The following ATXN10 variants were observed in gnomAD, a reference collection of about 807,000 sequenced individuals.
ATXN10 encodes the protein ataxin 10.
ATXN10 carries 28 observed loss-of-function variants against 52.9 expected under a neutral mutation model. The ratio of observed to expected loss-of-function variants is 0.53; its 90% CI spans 0.39 to 0.73. ATXN10 has a LOEUF of 0.73. ATXN10 is among the 30% of genes least tolerant of loss of function. The pLI is 0.00. For missense variants in ATXN10, 565 were observed against 577.0 expected (o/e 0.98, Z 0.21); for synonymous variants, 226 against 221.5 (o/e 1.02, Z -0.18).
At chr22:45,751,792 T>C (rs1213907589) in intron 9 of ATXN10, among the ~76,000 whole-genome samples, 1 of 139,454 alleles carries the variant, frequency 7.2e-6, no homozygotes, top group Non-Finnish European at 1.6e-5. Context: ...AATAATAAGA[T>C]GGGAAATGTC....
intron 10 of ATXN10, among the ~76,000 whole-genome samples, chr22:45,807,842 G>A (rs1211724531): frequency 6.6e-6 from 1 of 152,194 alleles, no homozygotes; most frequent in Non-Finnish European, 1.5e-5. Flanking sequence ...AGGACTGGGA[G>A]CGTAGCCTGC....
At position 45,786,118 on chromosome 22, in the gene ATXN10, G is replaced by C. The variant is rs1233010501; in HGVS notation, c.1174-20841G>C. 6.6e-6 allele frequency among the ~76,000 whole-genome samples: 1 copy of C among 152,158 alleles called. No homozygotes were observed. The highest frequency in any genetic ancestry group is 1.9e-4 in the East Asian group (1 of 5,196). On this transcript the variant is annotated intron_variant, in intron 9 of 11. Transcript: ENST00000252934. The surrounding 1 kb of genome is among the most constrained non-coding windows in gnomAD (Gnocchi z 4.1). ...TGAGAAAATTGCACTAAATTCAGAT[G>C]TGAATGTTTGCTAAAGAAAAGATAG... is the stretch of plus-strand genomic sequence containing the variant.
intron 6 of ATXN10, among the ~76,000 whole-genome samples, chr22:45,726,619 G>C (rs186458043): frequency 6.6e-6 from 1 of 152,068 alleles, no homozygotes; most frequent in East Asian, 1.9e-4. Context: ...TTTATATTTT[G>C]ATCTTTTGTT....
At chr22:45,753,756 T>C (rs1158171317) in intron 9 of ATXN10, among the ~76,000 whole-genome samples, 1 of 152,150 alleles carries the variant, frequency 6.6e-6, no homozygotes, top group Non-Finnish European at 1.5e-5. Context: ...AGTACCACAC[T>C]GACAATGTGA....
intron 10 of ATXN10, among the ~76,000 whole-genome samples, chr22:45,838,982 G>A (rs1255142453): frequency 1.3e-5 from 2 of 152,188 alleles, no homozygotes; most frequent in Non-Finnish European, 2.9e-5. Context: ...ACTTAGAGGG[G>A]GCAGTGGAGC....
Position 45,828,013 on chromosome 22 carries a change from T to C in ATXN10, c.1238-14978T>C, listed in dbSNP as rs1928871818. Among the ~76,000 whole-genome samples the C allele has an allele frequency of 6.6e-6, 1 of 152,250 alleles. No individual in the cohort carries two copies. Among genetic ancestry groups the C allele is most frequent in the East Asian group, 1.9e-4 (1 of 5,186 alleles). The stretch of plus-strand genomic sequence containing the variant: ...TTTATGGAAATTAAAAAACATACTG[T>C]TAACCAGTAGATCAAAGAAGAAATC... On this transcript the variant is annotated intron_variant, in intron 10 of 11. Transcript: ENST00000252934. This position sits in a 1 kb window ranked among gnomAD's most constrained non-coding sequence, Gnocchi z 4.5.
At chr22:45,682,884 G>T (rs568075198) in intron 1 of ATXN10, among the ~76,000 whole-genome samples, 1 of 152,202 alleles carries the variant, frequency 6.6e-6, no homozygotes, top group South Asian at 2.1e-4. Context: ...TACCGTATCT[G>T]CTGCTTTCCC....
At chr22:45,755,160 C>G (rs957155943) in intron 9 of ATXN10, among the ~76,000 whole-genome samples, 1 of 152,190 alleles carries the variant, frequency 6.6e-6, no homozygotes, top group African/African-American at 2.4e-5. Flanking sequence ...TGTGCCTGCA[C>G]AGTGCTTGTA....
Position 45,769,538 on chromosome 22 carries a change from G to A in ATXN10, c.1173+29000G>A, listed in dbSNP as rs1468789878. Among the ~76,000 whole-genome samples, 1 of 152,162 alleles carries A rather than the reference G, an allele frequency of 6.6e-6. No individual in the cohort carries two copies. Among genetic ancestry groups the A allele is most frequent in the Non-Finnish European group, 1.5e-5 (1 of 68,036 alleles). On this transcript the variant is annotated intron_variant, in intron 9 of 11. Transcript: ENST00000252934. The surrounding 1 kb of genome is among the most constrained non-coding windows in gnomAD (Gnocchi z 4.2). ...TGGTGGGTAGCAGTTATGTGGCGAT[G>A]AAGAGACTATTTCAAAGGAATGAAT... is the stretch of plus-strand genomic sequence containing the variant.
Position 45,729,461 on chromosome 22 carries a change from G to A in ATXN10, c.765G>A (p.Thr255=), listed in dbSNP as rs548270176. 10 of 1,614,056 alleles carry A rather than the reference G, an allele frequency of 6.2e-6. No individual in the cohort carries two copies. The highest frequency in any genetic ancestry group is 5.5e-5 in the South Asian group (5 of 91,074). ...TLLDLMIAKI[T]SDEPLTKDDI... is the part of the protein sequence containing the mutation. ...TAGACCTTATGATAGCCAAGATAAC[G>A]AGTGATGAGCCACTCACCAAGGATG... is the stretch of plus-strand genomic sequence containing the variant. The change falls in exon 7 of 12, where the codon ACG becomes ACA. Residue 255 remains threonine (T), a synonymous_variant. Transcript: ENST00000252934.
chr22:45,676,497 T>G (rs2146721774), intron 1 of ATXN10: 1 of 152,110 alleles, frequency 6.6e-6, no homozygotes, highest in African/African-American at 2.4e-5. Context: ...TTTTTTTTTT[T>G]TGAGACAGTT....
intron 9 of ATXN10, among the ~76,000 whole-genome samples, chr22:45,765,514 A>G (rs1344056092): frequency 6.6e-6 from 1 of 152,160 alleles, no homozygotes; most frequent in African/African-American, 2.4e-5. Context: ...GCTGGGACTG[A>G]GGGGTTGATT....
rs545768708 is a variant in ATXN10 at position 45,715,865 on chromosome 22, T to C, written c.648-2548T>C. On this transcript the variant is annotated intron_variant, in intron 5 of 11. Transcript: ENST00000252934. This position sits in a 1 kb window ranked among gnomAD's most constrained non-coding sequence, Gnocchi z 4.4. ...ACTCATAAGATGATTTCTAGAAAAA[T>C]TCCAAACTTTTGGAAATTAACACAT... is the stretch of plus-strand genomic sequence containing the variant. Among the ~76,000 whole-genome samples the C allele has an allele frequency of 6.4e-4, 97 of 152,260 alleles. 1 individual carries two copies. The highest frequency in any genetic ancestry group is 2.3e-3 in the African/African-American group (95 of 41,542).
chr22:45,831,802 C>T (rs1376341854), intron 10 of ATXN10, among the ~76,000 whole-genome samples: 2 of 152,208 alleles, frequency 1.3e-5, no homozygotes, highest in Admixed American at 1.3e-4. Flanking sequence ...TTGTCTCCCC[C>T]TCATTGGCGA....
intron 6 of ATXN10, among the ~76,000 whole-genome samples, chr22:45,726,841 C>A (rs1272581933): frequency 1.3e-5 from 2 of 152,110 alleles, no homozygotes; most frequent in Non-Finnish European, 2.9e-5. Flanking sequence ...ACCACCATGC[C>A]TGACTAATTT....
chr22:45,808,906 C>T (rs9626449), intron 10 of ATXN10, among the ~76,000 whole-genome samples: 6,000 of 152,234 alleles, frequency 0.039, 422 homozygotes, highest in African/African-American at 0.14. Flanking sequence ...ATTGCAAGAT[C>T]ACGGAATCTC....
At chr22:45,748,652 G>A (rs186126551) in intron 9 of ATXN10, among the ~76,000 whole-genome samples, 91 of 152,220 alleles carry the variant, frequency 6.0e-4, no homozygotes, top group South Asian at 1.0e-3. Flanking sequence ...TGGATTGTGC[G>A]TTTTTCCTGT....
chr22:45,830,914 A>G (rs1412279209), intron 10 of ATXN10, among the ~76,000 whole-genome samples: 2 of 152,234 alleles, frequency 1.3e-5, no homozygotes, highest in Non-Finnish European at 2.9e-5. Flanking sequence ...TTTGTACACC[A>G]TGTTCCTAGC....
Position 45,763,925 on chromosome 22 carries a change from C to A in ATXN10, c.1173+23387C>A, listed in dbSNP as rs781405307. ...CCCACCTCCCCCAGTGTCTTCCAGGCCCCCTTCTTATCTAAGGCTGCTACG... is the reference window on the plus strand; with the variant it reads ...CCCACCTCCCCCAGTGTCTTCCAGGACCCCTTCTTATCTAAGGCTGCTACG... On this transcript the variant is annotated intron_variant, in intron 9 of 11. Transcript: ENST00000252934. This position sits in a 1 kb window ranked among gnomAD's most constrained non-coding sequence, Gnocchi z 6.9. 6.7e-6 allele frequency among the ~76,000 whole-genome samples: 1 copy of A among 150,140 alleles called. No homozygotes were observed. The highest frequency in any genetic ancestry group is 1.5e-5 in the Non-Finnish European group (1 of 67,666).
Sources: allele counts gnomAD v4.1 joint callset (sites outside exome capture counted in the v4.1 genomes callset), GRCh38; gene constraint gnomAD v4.1.1; non-coding constraint Gnocchi (gnomAD v3.1); transcripts MANE v1.5; gene names NCBI Gene and HGNC (gene_info 2026-07-23, HGNC 2026-07-21).